Variants in SYNPR observed in about 807,000 individuals in gnomAD.
SYNPR encodes synaptoporin.
In SYNPR, 23 loss-of-function variants were observed where a neutral mutation model predicts 32.9. The ratio of observed to expected loss-of-function variants is 0.70; its 90% confidence interval spans 0.50 to 0.99. SYNPR has a LOEUF of 0.99. Among genes scored for constraint, SYNPR ranks in the 50% least tolerant of loss-of-function variants. The pLI, the probability that SYNPR is intolerant of heterozygous loss-of-function variation, is 0.00. For missense variants in SYNPR, 318 were observed against 349.3 expected, an observed-to-expected ratio of 0.91 and a Z score of 0.71; for synonymous variants, 146 against 135.9, an observed-to-expected ratio of 1.07 and a Z score of -0.52.
At chr3:63,572,454 T>G (rs948249125) in intron 4 of SYNPR, among the ~76,000 whole-genome samples, 3 of 152,188 alleles carry the variant, frequency 2.0e-5, no homozygotes, top group Non-Finnish European at 2.9e-5. Flanking sequence ...ATGCTAGGTA[T>G]AGTCGCCTAA....
intron 2 of SYNPR, among the ~76,000 whole-genome samples, chr3:63,419,250 G>A (rs1230595690): frequency 1.3e-5 from 2 of 152,214 alleles, no homozygotes; most frequent in Non-Finnish European, 2.9e-5. Context: ...TCAGGTCACT[G>A]TGTGAAGCCA....
At chr3:63,607,039 A>G (rs572952923) in intron 4 of SYNPR, among the ~76,000 whole-genome samples, 76 of 152,196 alleles carry the variant, frequency 5.0e-4, no homozygotes, top group Admixed American at 9.8e-4. Flanking sequence ...CCAATTTCCA[A>G]TTGAAAGGTC....
At chr3:63,229,143 T>C (rs1040257688) in intron 1 of SYNPR, among the ~76,000 whole-genome samples, 3 of 152,130 alleles carry the variant, frequency 2.0e-5, no homozygotes, top group Non-Finnish European at 4.4e-5. Context: ...ATTTATAGCC[T>C]TGGGCAAAAA....
intron 4 of SYNPR, among the ~76,000 whole-genome samples, chr3:63,595,933 A>G (rs1699951699): frequency 9.9e-6 from 1 of 100,524 alleles, no homozygotes; most frequent in African/African-American, 3.8e-5. Context: ...ATATATATAT[A>G]GTTTTATATA....
intron 2 of SYNPR, among the ~76,000 whole-genome samples, chr3:63,446,186 C>T (rs1380490634): frequency 1.3e-5 from 2 of 151,840 alleles, no homozygotes; most frequent in Non-Finnish European, 2.9e-5. Context: ...GCAGCTGGTT[C>T]GTCATTGGTG....
chr3:63,248,207 G>A (rs1180556478), intron 1 of SYNPR, among the ~76,000 whole-genome samples: 4 of 152,114 alleles, frequency 2.6e-5, no homozygotes, highest in African/African-American at 4.8e-5. Context: ...TGTTAATGCT[G>A]ATTCTGCAAC....
At chr3:63,570,704 G>C (rs945376853) in intron 4 of SYNPR, among the ~76,000 whole-genome samples, 10 of 152,038 alleles carry the variant, frequency 6.6e-5, no homozygotes, top group African/African-American at 2.4e-4. Flanking sequence ...AAACCTCCCA[G>C]CTCTGTGTAA....
chr3:63,520,533 C>T (rs927419272), intron 3 of SYNPR, among the ~76,000 whole-genome samples: 56 of 152,038 alleles, frequency 3.7e-4, no homozygotes, highest in Admixed American at 3.1e-3. Flanking sequence ...ATTAGCCAGG[C>T]GTGATGGCAC....
At position 63,442,558 on chromosome 3, in the gene SYNPR, C is replaced by T. The variant is rs555964146; in HGVS notation, c.85-38274C>T. ...ACATTGCCTCAAGGTGCTATGATTT[C>T]GGCCCTTCGAAGTAGTCGAGCTGAA... On this transcript the variant is annotated intron_variant, in intron 2 of 5. Transcript: ENST00000478300. Among the ~76,000 whole-genome samples, 7 of 152,308 alleles carry T rather than the reference C, an allele frequency of 4.6e-5. No homozygotes were observed. The South Asian group carries it at 1.2e-3, about 27-fold the overall frequency.
chr3:63,361,584 C>T (rs35693695), intron 2 of SYNPR, among the ~76,000 whole-genome samples: 24,100 of 133,638 alleles, frequency 0.18, 2,770 homozygotes, highest in East Asian at 0.56. Context: ...GGTGACAGAG[C>T]GAGACTCTGT....
chr3:63,593,102 T>A (rs1403682119), intron 4 of SYNPR, among the ~76,000 whole-genome samples: 1 of 152,000 alleles, frequency 6.6e-6, no homozygotes, highest in Non-Finnish European at 1.5e-5. Context: ...AAATTCTCAA[T>A]GAAGATCAAG....
At chr3:63,605,918 T>C (rs1700111911) in intron 4 of SYNPR, among the ~76,000 whole-genome samples, 1 of 152,368 alleles carries the variant, frequency 6.6e-6, no homozygotes, top group Non-Finnish European at 1.5e-5. Context: ...TCCCGCTCCA[T>C]AGCCTTATAT....
At chr3:63,476,731 G>A (rs1700935107) in intron 2 of SYNPR, among the ~76,000 whole-genome samples, 1 of 152,152 alleles carries the variant, frequency 6.6e-6, no homozygotes, top group Non-Finnish European at 1.5e-5. Context: ...CCAGGTGTTA[G>A]CTTAAATGTA....
chr3:63,506,028 G>A (rs1701580490), intron 3 of SYNPR, among the ~76,000 whole-genome samples: 1 of 151,856 alleles, frequency 6.6e-6, no homozygotes, highest in African/African-American at 2.4e-5. Context: ...TATTAAGGCA[G>A]CACCTAGATT....
chr3:63,359,127 A>G (rs2087624230), intron 2 of SYNPR, among the ~76,000 whole-genome samples: 1 of 152,170 alleles, frequency 6.6e-6, no homozygotes, highest in Admixed American at 6.5e-5. Flanking sequence ...AGTACCAGAA[A>G]CTGTGCTGGG....
At chr3:63,257,267 C>G (rs895340144) in intron 2 of SYNPR, among the ~76,000 whole-genome samples, 39 of 152,090 alleles carry the variant, frequency 2.6e-4, no homozygotes, top group African/African-American at 9.4e-4. Flanking sequence ...ACATAATTGT[C>G]AGATTCACCA....
At chr3:63,387,569 AAAAC>A (rs2088068550) in intron 2 of SYNPR, among the ~76,000 whole-genome samples, 1 of 152,204 alleles carries the variant, frequency 6.6e-6, no homozygotes, top group Non-Finnish European at 1.5e-5. Flanking sequence ...TTCAGCAGCC[AAAAC>A]AAAAAATCCT....
chr3:63,344,571 T>TTTTC (rs3081091), intron 2 of SYNPR, among the ~76,000 whole-genome samples: 3 of 150,126 alleles, frequency 2.0e-5, no homozygotes, highest in African/African-American at 7.4e-5. Context: ...TTTTTTTTTT[T>TTTTC]ACAGATTAAT....
At chr3:63,591,609 T>C (rs1280573045) in intron 4 of SYNPR, among the ~76,000 whole-genome samples, 29 of 136,552 alleles carry the variant, frequency 2.1e-4, no homozygotes, top group Middle Eastern at 3.5e-3. Context: ...ATATACACCA[T>C]GGAATACTAT....
Sources: gnomAD v4.1 joint callset for allele counts (sites outside exome capture counted in the v4.1 genomes callset) on GRCh38, gnomAD v4.1.1 for gene constraint, MANE v1.5 for transcripts, NCBI Gene and HGNC (gene_info 2026-07-23, HGNC 2026-07-21) for gene names.